ANKHD1: variants seen among roughly 807,000 people sequenced by gnomAD.
The protein encoded by ANKHD1 is ankyrin repeat and KH domain-containing protein 1.
Under a neutral mutation model 230.5 loss-of-function variants are expected in ANKHD1, and 31 were observed. The observed-to-expected ratio is 0.13, with a 90% confidence interval of 0.10 to 0.18. ANKHD1 has a LOEUF of 0.18. Ranked by LOEUF, ANKHD1 falls within the 10% of genes least tolerant of loss-of-function variation. The pLI, the probability that ANKHD1 is intolerant of heterozygous loss-of-function variation, is 1.00. For synonymous variants in ANKHD1, 1,074 were observed against 1,117.6 expected (o/e 0.96, Z 0.78); for missense variants, 2,256 against 3,071.3 (o/e 0.73, Z 6.27).
At chr5:140,409,176 A>G (rs1444053587) in intron 1 of ANKHD1, among the ~76,000 whole-genome samples, 1 of 152,220 alleles carries the variant, frequency 6.6e-6, no homozygotes, top group African/African-American at 2.4e-5. Flanking sequence ...AAGGTAAACA[A>G]GGTGAGTCAC....
chr5:140,490,922 T>G (rs1221746485), intron 14 of ANKHD1, among the ~76,000 whole-genome samples: 1 of 151,702 alleles, frequency 6.6e-6, no homozygotes, highest in East Asian at 1.9e-4. Context: ...TTTCTGGTGC[T>G]TTATCACCAT....
In ANKHD1 at chr5:140,528,276, A is replaced by G. The variant is rs754721187; in HGVS notation, c.5330A>G (p.Asn1777Ser). 3 of 1,613,964 alleles carry G rather than the reference A, an allele frequency of 1.9e-6. No individual in the cohort carries two copies. The highest frequency in any genetic ancestry group is 3.3e-5 in the Admixed American group (2 of 59,998). ...GAACTGGAAGACTTGATTCCTAAAAATCATATCAGAACACCTGCCAGCACC... is the reference window on the plus strand; with the variant it reads ...GAACTGGAAGACTTGATTCCTAAAAGTCATATCAGAACACCTGCCAGCACC... ...AKELEDLIPKNHIRTPASTKS... is the reference protein window; with the variant it reads ...AKELEDLIPKSHIRTPASTKS... The change falls in exon 29 of 34, where the codon AAT (asparagine) becomes AGT (serine). Residue 1777 changes from asparagine (N) to serine (S), a missense_variant. This residue lies in a region of ANKHD1 where 778 missense variants were observed against 966.5 expected (regional missense o/e 0.80). Coordinates refer to ENST00000360839, the MANE Select transcript of ANKHD1 (RefSeq NM_017747.3).
intron 7 of ANKHD1, among the ~76,000 whole-genome samples, chr5:140,457,812 C>T (rs924506265): frequency 6.6e-6 from 1 of 151,434 alleles, no homozygotes; most frequent in African/African-American, 2.4e-5. Flanking sequence ...ATGTAACAAA[C>T]CTGCATGTTG....
rs778662301 is a variant in ANKHD1, at chr5:140,486,978, T to C, written c.2163T>C (p.His721=). The change falls in exon 14 of 34, where the codon CAT becomes CAC. Residue 721 remains histidine, a synonymous_variant. Coordinates refer to ENST00000360839, the MANE Select transcript of ANKHD1 (RefSeq NM_017747.3). Reference sequence around the variant, plus strand: ...TTTAGGTGCCACGTGTGCCAACGCATACACTTGCCATGGTTGTACCTCCCC... The same window carrying C: ...TTTAGGTGCCACGTGTGCCAACGCACACACTTGCCATGGTTGTACCTCCCC... ...DQSQVPRVPT[H]TLAMVVPPQE... The C allele has an allele frequency of 7.4e-6, 12 of 1,613,350 alleles. No individual in the cohort carries two copies. In the South Asian group the frequency reaches 1.3e-4, roughly 18 times the overall value.
chr5:140,448,580 A>G (rs1024760988), intron 6 of ANKHD1, among the ~76,000 whole-genome samples: 8 of 152,096 alleles, frequency 5.3e-5, no homozygotes, highest in African/African-American at 1.4e-4. Flanking sequence ...AATATTTGCT[A>G]TTTTTGATAG....
intron 10 of ANKHD1, among the ~76,000 whole-genome samples, chr5:140,479,673 TTCCCATTATATACA>T (rs71825384): frequency 0.014 from 2,118 of 150,700 alleles, 55 homozygotes; most frequent in African/African-American, 0.049. Flanking sequence ...TACATGTATA[TTCCCATTATATACA>T]TACATATGTA....
chr5:140,493,079 G>A (rs1282606728), intron 14 of ANKHD1, among the ~76,000 whole-genome samples: 1 of 152,168 alleles, frequency 6.6e-6, no homozygotes, highest in Non-Finnish European at 1.5e-5. Flanking sequence ...TTCTTTCTTT[G>A]AGACGGAGTT....
intron 11 of ANKHD1, 147 bp from the exon 12 acceptor site, chr5:140,484,974 T>G: frequency 1.6e-6 from 2 of 1,287,532 alleles, no homozygotes; most frequent in Non-Finnish European, 2.0e-6. Context: ...GTGTTCATTT[T>G]GTGAAAAAAA....
At chr5:140,427,499 G>T (rs1772581991) in intron 1 of ANKHD1, among the ~76,000 whole-genome samples, 1 of 138,098 alleles carries the variant, frequency 7.2e-6, no homozygotes, top group Admixed American at 6.9e-5. Flanking sequence ...GGGGCGGCCG[G>T]GCAGAGGCGC....
chr5:140,472,235 G>A (rs773539560), intron 10 of ANKHD1: 30 of 1,609,474 alleles, frequency 1.9e-5, no homozygotes, highest in South Asian at 8.8e-5. Context: ...TTTTCCTTTC[G>A]CAGGACAAGC....
chr5:140,529,971 C>T (rs566442576), intron 29 of ANKHD1, among the ~76,000 whole-genome samples, 175 bp downstream of exon 29: 11 of 151,614 alleles, frequency 7.3e-5, no homozygotes, highest in African/African-American at 2.4e-4. Context: ...AGTGTAAGTC[C>T]ATTTTCTTGG....
chr5:140,455,984 TC>T (rs1775152398), intron 7 of ANKHD1, among the ~76,000 whole-genome samples: 1 of 152,124 alleles, frequency 6.6e-6, no homozygotes, highest in South Asian at 2.1e-4. Context: ...CAGCCAAAAA[TC>T]TCCTTAAACT....
chr5:140,482,573 T>TA lies in ANKHD1; in HGVS notation c.1783-7_1783-6insA. ...TTGATGGATTATTTTTTCCATTTCT[T>TA]TAACAGGAACATGAATCTGAAGGTG... On this transcript the variant is annotated splice_polypyrimidine_tract_variant and splice_region_variant and intron_variant, in intron 10 of 33. Transcript: ENST00000360839. 1 of 1,611,664 alleles carries TA rather than the reference T, an allele frequency of 6.2e-7. No homozygotes were observed. The highest frequency in any genetic ancestry group is 8.5e-7 in the Non-Finnish European group (1 of 1,179,114).
intron 2 of ANKHD1, among the ~76,000 whole-genome samples, chr5:140,437,916 C>T (rs1773571808): frequency 6.6e-6 from 1 of 152,136 alleles, no homozygotes; most frequent in Middle Eastern, 3.4e-3. Flanking sequence ...TGTGGTAGCT[C>T]TTTATAAATG....
At chr5:140,409,094 G>C (rs948611868) in intron 1 of ANKHD1, among the ~76,000 whole-genome samples, 2 of 152,102 alleles carry the variant, frequency 1.3e-5, no homozygotes, top group Non-Finnish European at 1.5e-5. Flanking sequence ...AATCACTCCT[G>C]GTTGAGAGCT....
At chr5:140,510,218 C>A in intron 22 of ANKHD1, 37 bp downstream of exon 22, 2 of 1,558,116 alleles carry the variant, frequency 1.3e-6, no homozygotes, top group South Asian at 1.2e-5. Context: ...CAATTTTAAG[C>A]CAATTCTAAG....
intron 9 of ANKHD1, among the ~76,000 whole-genome samples, chr5:140,460,137 A>T (rs1775597699): frequency 6.6e-6 from 1 of 152,066 alleles, no homozygotes; most frequent in South Asian, 2.1e-4. Flanking sequence ...TGACATTTCT[A>T]AGTCATCTGA....
intron 32 of ANKHD1, among the ~76,000 whole-genome samples, chr5:140,538,702 G>C (rs1252765932): frequency 6.6e-6 from 1 of 152,140 alleles, no homozygotes; most frequent in Non-Finnish European, 1.5e-5. Context: ...TTTCATATTG[G>C]ATTTAGTTTC....
chr5:140,467,493 T>C (rs1375764184), intron 10 of ANKHD1, among the ~76,000 whole-genome samples: 2 of 152,106 alleles, frequency 1.3e-5, no homozygotes. Context: ...GGTGTGAGGA[T>C]TGCATGAGCC....
Sources: allele counts gnomAD v4.1 joint callset (sites outside exome capture counted in the v4.1 genomes callset), GRCh38; gene constraint gnomAD v4.1.1; regional missense constraint gnomAD v4.1.1; transcripts MANE v1.5; gene names NCBI Gene and HGNC (gene_info 2026-07-23, HGNC 2026-07-21).